Variants in EIF4E3 observed in about 807,000 individuals in gnomAD.
EIF4E3 encodes the protein eukaryotic translation initiation factor 4E type 3.
A neutral mutation model predicts 31.7 loss-of-function variants in EIF4E3; 26 were observed. The ratio of observed to expected loss-of-function variants is 0.82; its 90% confidence interval spans 0.60 to 1.14. EIF4E3 has a LOEUF of 1.14. Among genes scored for constraint, EIF4E3 ranks in the 50% most tolerant of loss-of-function variants. The pLI is 0.00. For synonymous variants in EIF4E3, 128 were observed against 107.7 expected (o/e 1.19, Z -1.17); for missense variants, 304 against 270.9 (o/e 1.12, Z -0.86).
At chr3:71,663,811 T>C in the EIF4E3 span, among the ~76,000 whole-genome samples, 6 of 152,208 alleles carry the variant, frequency 3.9e-5, no homozygotes, top group African/African-American at 1.4e-4. Flanking sequence ...TGAGTGAATA[T>C]CATGGTGTCC....
chr3:71,748,792 A>T (rs987572120), intron 1 of EIF4E3, among the ~76,000 whole-genome samples: 2 of 152,174 alleles, frequency 1.3e-5, no homozygotes, highest in African/African-American at 4.8e-5. Flanking sequence ...TGAGAAAGCA[A>T]GGACCCATGA....
At chr3:71,721,415 G>A (rs1203422805) in intron 1 of EIF4E3, among the ~76,000 whole-genome samples, 1 of 152,166 alleles carries the variant, frequency 6.6e-6, no homozygotes, top group Non-Finnish European at 1.5e-5. Flanking sequence ...GTGTGTGTCA[G>A]GATGCTTGCG....
chr3:71,664,100 G>A, the EIF4E3 span, among the ~76,000 whole-genome samples: 1 of 152,122 alleles, frequency 6.6e-6, no homozygotes, highest in Non-Finnish European at 1.5e-5. Context: ...GCTCCTTGTG[G>A]GCTAATGGAG....
intron 4 of EIF4E3, among the ~76,000 whole-genome samples, chr3:71,695,200 GC>G (rs2049119297): frequency 6.6e-6 from 1 of 152,154 alleles, no homozygotes; most frequent in Admixed American, 6.5e-5. Flanking sequence ...GCTGCGAGAG[GC>G]TGTTAGGGGA....
chr3:71,664,548 G>A, the EIF4E3 span, among the ~76,000 whole-genome samples: 1 of 152,264 alleles, frequency 6.6e-6, no homozygotes, highest in East Asian at 1.9e-4. Context: ...ACACAACCTT[G>A]GGGCTTACTG....
chr3:71,725,363 G>A lies in EIF4E3; in HGVS notation c.5C>T (p.Ala2Val), dbSNP rs2049619866. 4 of 976,980 alleles carry A rather than the reference G, an allele frequency of 4.1e-6. No individual in the cohort carries two copies. The highest frequency in any genetic ancestry group is 4.8e-6 in the Non-Finnish European group (4 of 825,530). 60.5% of individuals were successfully genotyped at this position (976,980 alleles called of 1,614,324 possible). Residue 2 changes from alanine (A) to valine (V), a missense_variant, in exon 1 of 7, where the codon GCG becomes GTG. Physicochemically the swap from Ala to Val is moderately conservative, Grantham distance 64. Transcript: ENST00000425534. This position sits in a 1 kb window ranked among gnomAD's most constrained non-coding sequence, Gnocchi z 6.1. M[A>V]LPPAAAPPAG... ...GGGGGGCGCGGCGGCCGGGGGCAGC[G>A]CCATTTTCTCCGCCCCGCCTGCAAG...
intron 2 of EIF4E3, among the ~76,000 whole-genome samples, chr3:71,701,853 C>G (rs1223902901): frequency 2.6e-5 from 4 of 152,212 alleles, no homozygotes; most frequent in Non-Finnish European, 5.9e-5. Context: ...CTCCCTTCTA[C>G]TAAAATGGTG....
intron 3 of EIF4E3, 76 bp downstream of exon 3, chr3:71,699,538 A>G: frequency 7.8e-7 from 1 of 1,275,534 alleles, no homozygotes; most frequent in Non-Finnish European, 1.1e-6. Context: ...CACACATCTC[A>G]GGTGATATGA....
chr3:71,684,479 C>A lies in EIF4E3; in HGVS notation c.*203G>T. On this transcript the variant is annotated 3_prime_UTR_variant, in exon 7 of 7. Transcript: ENST00000425534. Reference sequence around the variant, plus strand: ...TTTTGTGTGTGTTTTTTTTAAAAAGCAAGTAATGTGACGGTAGAAACCCAC... The same window carrying A: ...TTTTGTGTGTGTTTTTTTTAAAAAGAAAGTAATGTGACGGTAGAAACCCAC... 7.2e-6 allele frequency: 3 copies of A among 415,718 alleles called. No individual in the cohort carries two copies. Among genetic ancestry groups the A allele is most frequent in the South Asian group, 9.9e-5 (1 of 10,072 alleles). 25.8% of individuals were successfully genotyped at this position (415,718 alleles called of 1,614,324 possible).
chr3:71,676,634 A>G lies in EIF4E3; in HGVS notation c.*8048T>C, dbSNP rs1459675659. On this transcript the variant is annotated 3_prime_UTR_variant, in exon 7 of 7. Transcript: ENST00000425534. The stretch of plus-strand genomic sequence containing the variant: ...AATACTTCTTAAAATGTATTTTACA[A>G]TGAAAACTTTGCCATATCTGAAAGT... 1 of 152,184 alleles carries G rather than the reference A, an allele frequency of 6.6e-6. No homozygotes were observed. Among genetic ancestry groups the G allele is most frequent in the Non-Finnish European group, 1.5e-5 (1 of 68,020 alleles). The allele number at this position is 152,184 out of a possible 1,614,324, so 9.4% of individuals were successfully genotyped here. A position where few individuals can be genotyped will look rare whatever the true frequency, so the allele number is the denominator to read the frequency against.
intron 1 of EIF4E3, among the ~76,000 whole-genome samples, chr3:71,751,022 A>G (rs967234408): frequency 1.3e-5 from 2 of 151,738 alleles, no homozygotes; most frequent in Non-Finnish European, 2.9e-5. Flanking sequence ...TCGGCCTCCC[A>G]AAGTGCTGGG....
At chr3:71,686,078 C>T (rs934141265) in intron 6 of EIF4E3, among the ~76,000 whole-genome samples, 4 of 152,166 alleles carry the variant, frequency 2.6e-5, no homozygotes, top group African/African-American at 7.2e-5. Context: ...CTTGACTTCC[C>T]GGGCTCAAGC....
upstream of EIF4E3, among the ~76,000 whole-genome samples, chr3:71,726,666 A>G (rs536644990): frequency 2.2e-4 from 33 of 152,366 alleles, no homozygotes; most frequent in South Asian, 5.4e-3. Flanking sequence ...CAACAGCATC[A>G]TAGCAGACTG....
upstream of EIF4E3, chr3:71,725,519 CAGG>C: frequency 3.9e-5 from 13 of 329,178 alleles, no homozygotes; most frequent in Non-Finnish European, 4.7e-5. This position sits in a 1 kb window ranked among gnomAD's most constrained non-coding sequence, Gnocchi z 6.1. Context: ...CCGCCGCCTT[CAGG>C]GCCTGGGAGC....
chr3:71,699,297 A>G (rs958773782), intron 3 of EIF4E3, among the ~76,000 whole-genome samples: 1 of 152,186 alleles, frequency 6.6e-6, no homozygotes, highest in African/African-American at 2.4e-5. Context: ...GGTTTCTGTC[A>G]TTTGCTACTA....
At chr3:71,699,434 A>G (rs1416487717) in intron 3 of EIF4E3, among the ~76,000 whole-genome samples, 180 bp downstream of exon 3, 3 of 152,196 alleles carry the variant, frequency 2.0e-5, no homozygotes, top group Admixed American at 6.5e-5. Context: ...GTCCATCTTC[A>G]TCACTACATC....
chr3:71,686,800 A>G (rs1185152388), intron 6 of EIF4E3, among the ~76,000 whole-genome samples: 1 of 152,104 alleles, frequency 6.6e-6, no homozygotes, highest in Non-Finnish European at 1.5e-5. Flanking sequence ...TACAATGTTG[A>G]TGGGTTAAAG....
At chr3:71,674,582 T>C (rs1054087268), downstream of EIF4E3, among the ~76,000 whole-genome samples, 3 of 152,156 alleles carry the variant, frequency 2.0e-5, no homozygotes, top group Admixed American at 6.5e-5. Flanking sequence ...AGAAAGATCA[T>C]AAACAAGCAG....
chr3:71,690,565 T>C (rs1379885918), intron 5 of EIF4E3, among the ~76,000 whole-genome samples: 1 of 152,218 alleles, frequency 6.6e-6, no homozygotes, highest in Non-Finnish European at 1.5e-5. Context: ...CCTTGATGCC[T>C]TGCTGTCTTT....
Sources: allele counts gnomAD v4.1 joint callset (sites outside exome capture counted in the v4.1 genomes callset), GRCh38; gene constraint gnomAD v4.1.1; non-coding constraint Gnocchi (gnomAD v3.1); transcripts MANE v1.5; gene names NCBI Gene and HGNC (gene_info 2026-07-23, HGNC 2026-07-21).